Variants in PLG observed in about 807,000 individuals in gnomAD.
The protein encoded by PLG is plasmin.
A neutral mutation model predicts 104.4 loss-of-function variants in PLG; 41 were observed. That is an observed-to-expected ratio of 0.39 (90% CI 0.31 to 0.51). PLG has a LOEUF of 0.51. PLG is among the 20% of genes least tolerant of loss of function. The pLI is 0.76. For missense variants in PLG, 891 were observed against 1,003.6 expected, an observed-to-expected ratio of 0.89 and a Z score of 1.52; for synonymous variants, 337 against 357.1, an observed-to-expected ratio of 0.94 and a Z score of 0.63.
Position 160,713,062 on chromosome 6 carries a change from C to T in PLG, c.484C>T (p.Pro162Ser), listed in dbSNP as rs751081547. Residue 162 changes from proline (P) to serine (S), a missense_variant, in exon 5 of 19, where the codon CCC (proline) becomes TCC (serine). Pro to Ser is a moderately conservative substitution (Grantham distance 74). Coordinates refer to ENST00000308192, the MANE Select transcript of PLG (RefSeq NM_000301.5). ...GAATCCAGACAACGATCCGCAGGGG[C>T]CCTGGTGCTATACTACTGATCCAGA... ...CRNPDNDPQG[P>S]WCYTTDPEKR... The T allele has an allele frequency of 3.1e-6, 5 of 1,607,734 alleles. No individual in the cohort carries two copies. The African/African-American group carries it at 4.0e-5, about 13-fold the overall frequency.
In PLG at chr6:160,719,593, T is replaced by C. The variant is rs1316108824; in HGVS notation, c.1096+755T>C. ...CTTTGTCCCATTTAAACTTTGTTCC[T>C]TTTTTCATCTTTTTCTGCCTTCATT... On this transcript the variant is annotated intron_variant, in intron 9 of 18. Transcript: ENST00000308192. This position sits in a 1 kb window ranked among gnomAD's most constrained non-coding sequence, Gnocchi z 4.1. Among the ~76,000 whole-genome samples the C allele has an allele frequency of 6.6e-6, 1 of 152,206 alleles. No homozygotes were observed. The highest frequency in any genetic ancestry group is 1.5e-5 in the Non-Finnish European group (1 of 68,016).
rs1239316322 is a variant in PLG at position 160,744,644 on chromosome 6, A to G, written c.2125+3227A>G. ...TTGTTGATCTTTTGAATGAATTTTC[A>G]TGTCTTGACTTTCTTCAGTTCAGCT... On this transcript the variant is annotated intron_variant, in intron 17 of 18. Coordinates refer to ENST00000308192, the MANE Select transcript of PLG (RefSeq NM_000301.5). This position sits in a 1 kb window ranked among gnomAD's most constrained non-coding sequence, Gnocchi z 4.5. Among the ~76,000 whole-genome samples the G allele has an allele frequency of 1.3e-5, 2 of 152,028 alleles. No homozygotes were observed. Among genetic ancestry groups the G allele is most frequent in the Admixed American group, 6.6e-5 (1 of 15,252 alleles).
Position 160,702,284 on chromosome 6 carries a change from G to T in PLG, c.-21G>T, listed in dbSNP as rs767695607. 2 of 1,609,500 alleles carry T rather than the reference G, an allele frequency of 1.2e-6. No homozygotes were observed. Among genetic ancestry groups the T allele is most frequent in the Non-Finnish European group, 1.7e-6 (2 of 1,179,612 alleles). On this transcript the variant is annotated 5_prime_UTR_variant, in exon 1 of 19. Transcript: ENST00000308192. ...CCTGGGATTGGGACCCACTTTCTGG[G>T]CACTGCTGGCCAGTCCCAAAATGGA...
Position 160,752,236 on chromosome 6 carries a change from G to C in PLG, c.2247G>C (p.Leu749Phe). 1 of 1,614,066 alleles carries C rather than the reference G, an allele frequency of 6.2e-7. No homozygotes were observed. The highest frequency in any genetic ancestry group is 1.3e-5 in the African/African-American group (1 of 75,038). ...VQSTELCAGH[L>F]AGGTDSCQGD... ...CCACCGAACTCTGTGCTGGGCATTTGGCCGGAGGCACTGACAGTTGCCAGG... is the reference window on the plus strand; with the variant it reads ...CCACCGAACTCTGTGCTGGGCATTTCGCCGGAGGCACTGACAGTTGCCAGG... Residue 749 changes from leucine to phenylalanine, a missense_variant, in exon 18 of 19, where the codon TTG becomes TTC. Around this residue, in one of 2 missense-constraint regions of PLG, gnomAD observed 854 missense variants for 932.1 expected, o/e 0.92. Coordinates refer to ENST00000308192, the MANE Select transcript of PLG (RefSeq NM_000301.5). The surrounding 1 kb of genome is among the most constrained non-coding windows in gnomAD (Gnocchi z 4.7).
At chr6:160,720,515 G>A (rs1777813180) in intron 9 of PLG, among the ~76,000 whole-genome samples, 1 of 138,456 alleles carries the variant, frequency 7.2e-6, no homozygotes, top group Non-Finnish European at 1.5e-5. Flanking sequence ...CACCTCCCAG[G>A]TTCAAGTGAT....
At chr6:160,742,666 T>C (rs1778214334) in intron 17 of PLG, among the ~76,000 whole-genome samples, 1 of 152,218 alleles carries the variant, frequency 6.6e-6, no homozygotes, top group South Asian at 2.1e-4. Context: ...AGATCCCATT[T>C]GTCAATTTTT....
chr6:160,718,976 T>C (rs1777789850), intron 9 of PLG, 138 bp downstream of exon 9: 2 of 760,902 alleles, frequency 2.6e-6, no homozygotes, highest in East Asian at 2.7e-5. Flanking sequence ...ATGATTTCAG[T>C]TTTTTTAGAT....
rs1037247907 is a variant in PLG, at chr6:160,736,310, A to T, written c.1682-577A>T. 1.3e-5 allele frequency among the ~76,000 whole-genome samples: 2 copies of T among 152,224 alleles called. No individual in the cohort carries two copies. The highest frequency in any genetic ancestry group is 2.9e-5 in the Non-Finnish European group (2 of 68,032). On this transcript the variant is annotated intron_variant, in intron 13 of 18. Coordinates refer to ENST00000308192, the MANE Select transcript of PLG (RefSeq NM_000301.5). The surrounding 1 kb of genome is among the most constrained non-coding windows in gnomAD (Gnocchi z 5.2). The stretch of plus-strand genomic sequence containing the variant: ...TGGTTAGTCATGGGAGGCTCCCCAG[A>T]GGAGCTGTCCTGAAGCTGGCTGACA...
chr6:160,703,248 TC>T (rs1777453362), intron 1 of PLG, among the ~76,000 whole-genome samples: 1 of 147,302 alleles, frequency 6.8e-6, no homozygotes, highest in Admixed American at 6.8e-5. Context: ...TCTAAACATG[TC>T]CTAGTACTTC....
At chr6:160,709,914 A>C in intron 3 of PLG, among the ~76,000 whole-genome samples, 1 of 152,236 alleles carries the variant, frequency 6.6e-6, no homozygotes, top group Middle Eastern at 3.2e-3. Context: ...TACCTTAAAC[A>C]TTTTATATTT....
rs1777637334 is a variant in PLG, at chr6:160,711,320, T to C, written c.407+129T>C. 5 of 848,934 alleles carry C rather than the reference T, an allele frequency of 5.9e-6. No homozygotes were observed. In the Admixed American group the frequency reaches 9.2e-5, roughly 16 times the overall value. The allele number at this position is 848,934 out of a possible 1,614,324, so 52.6% of individuals were successfully genotyped here. On this transcript the variant is annotated intron_variant, in intron 4 of 18. Coordinates refer to ENST00000308192, the MANE Select transcript of PLG (RefSeq NM_000301.5). Reference sequence around the variant, plus strand: ...TTCTCAAGTCCCTTATATAAAATGGTGCAGTATTTGCATATAACCTACATA... The same window carrying C: ...TTCTCAAGTCCCTTATATAAAATGGCGCAGTATTTGCATATAACCTACATA...
At chr6:160,715,044 A>G in intron 6 of PLG, 130 bp downstream of exon 6, 1 of 886,402 alleles carries the variant, frequency 1.1e-6, no homozygotes, top group Non-Finnish European at 1.8e-6. Flanking sequence ...TTCAAAGCTA[A>G]CCTCCTCCCA....
At chr6:160,716,360 G>C (rs942443164) in intron 6 of PLG, among the ~76,000 whole-genome samples, 1 of 152,154 alleles carries the variant, frequency 6.6e-6, no homozygotes, top group African/African-American at 2.4e-5. Context: ...TTACCTAAAG[G>C]GCTGAAGCGG....
In PLG at chr6:160,735,334, A is replaced by C. The variant is rs1335081619; in HGVS notation, c.1681+1246A>C. Among the ~76,000 whole-genome samples the C allele has an allele frequency of 2.0e-5, 3 of 152,014 alleles. No individual in the cohort carries two copies. The highest frequency in any genetic ancestry group is 4.4e-5 in the Non-Finnish European group (3 of 68,004). ...TGATTTTCTTGCCTCAGACCCCACT[A>C]CCGTGCCTGGGACTCATGCACCTTT... On this transcript the variant is annotated intron_variant, in intron 13 of 18. Transcript: ENST00000308192. This position sits in a 1 kb window ranked among gnomAD's most constrained non-coding sequence, Gnocchi z 5.4.
chr6:160,707,259 C>T (rs1777545319), intron 2 of PLG, among the ~76,000 whole-genome samples: 1 of 151,952 alleles, frequency 6.6e-6, no homozygotes, highest in Admixed American at 6.6e-5. Flanking sequence ...ATAGCAGGAC[C>T]ACGGGATGGA....
At chr6:160,707,912 A>G (rs1244751288) in intron 3 of PLG, 106 bp downstream of exon 3, 1 of 1,005,996 alleles carries the variant, frequency 9.9e-7, no homozygotes, top group Non-Finnish European at 1.6e-6. Context: ...GGAAGGCACT[A>G]TCGTGTTATA....
At position 160,752,714 on chromosome 6, in the gene PLG, T is replaced by C. The variant is rs886766161; in HGVS notation, c.2272-186T>C. On this transcript the variant is annotated intron_variant, in intron 18 of 18. Coordinates refer to ENST00000308192, the MANE Select transcript of PLG (RefSeq NM_000301.5). The surrounding 1 kb of genome is among the most constrained non-coding windows in gnomAD (Gnocchi z 4.7). ...TCTACCCCCCGGAAAAACTAAGTGG[T>C]GTGGTTTCGCTAAACAGATTTTGCT... 1.3e-5 allele frequency among the ~76,000 whole-genome samples: 2 copies of C among 152,162 alleles called. No individual in the cohort carries two copies. The highest frequency in any genetic ancestry group is 2.9e-5 in the Non-Finnish European group (2 of 68,030).
In PLG at chr6:160,741,446, G is replaced by A. The variant is rs4252171; in HGVS notation, c.2125+29G>A. The A allele has an allele frequency of 2.5e-3, 3,375 of 1,364,714 alleles. 58 individuals are homozygous for A. The African/African-American group carries it at 0.034, about 14-fold the overall frequency. The allele number at this position is 1,364,714 out of a possible 1,614,324, so 84.5% of individuals were successfully genotyped here. ...AGATAAATTCCATTGCCCACATAAC[G>A]AATTGGTTTTGACCTACAGTCCATG... On this transcript the variant is annotated intron_variant, in intron 17 of 18. Transcript: ENST00000308192. This position sits in a 1 kb window ranked among gnomAD's most constrained non-coding sequence, Gnocchi z 4.7.
At chr6:160,718,519 G>C (rs1386366997) in intron 8 of PLG, 63 bp downstream of exon 8, 2 of 1,460,174 alleles carry the variant, frequency 1.4e-6, no homozygotes, top group Non-Finnish European at 1.9e-6. Context: ...CTTTGCCTTA[G>C]TTTTAGTTAC....
Sources: gnomAD v4.1 joint callset for allele counts (sites outside exome capture counted in the v4.1 genomes callset) on GRCh38, gnomAD v4.1.1 for gene constraint, gnomAD v4.1.1 regional missense constraint, Gnocchi (gnomAD v3.1) non-coding constraint, MANE v1.5 for transcripts, NCBI Gene and HGNC (gene_info 2026-07-23, HGNC 2026-07-21) for gene names.